PEAK1: variants seen among roughly 807,000 people sequenced by gnomAD.
PEAK1 encodes the protein inactive tyrosine-protein kinase PEAK1.
Under a neutral mutation model 124.7 loss-of-function variants are expected in PEAK1, and 54 were observed. The ratio of observed to expected loss-of-function variants is 0.43; its 90% CI spans 0.35 to 0.54. The LOEUF is 0.54. Among genes scored for constraint, PEAK1 ranks in the 20% least tolerant of loss-of-function variants. PEAK1 has a pLI of 0.01. For synonymous variants in PEAK1, 719 were observed against 760.0 expected, an observed-to-expected ratio of 0.95 and a Z score of 0.89; for missense variants, 2,046 against 2,134.5, an observed-to-expected ratio of 0.96 and a Z score of 0.82.
intron 8 of PEAK1, among the ~76,000 whole-genome samples, chr15:77,151,424 G>T (rs1313644802): frequency 1.3e-5 from 2 of 152,206 alleles, no homozygotes; most frequent in Admixed American, 1.3e-4. Context: ...TTTGTCAGAT[G>T]AATAGATTGC....
chr15:77,280,953 G>C (rs2062637092), intron 5 of PEAK1, among the ~76,000 whole-genome samples: 1 of 152,006 alleles, frequency 6.6e-6, no homozygotes, highest in South Asian at 2.1e-4. Context: ...GAGGTCAGGA[G>C]TTTCGAGACC....
At chr15:77,241,448 C>T (rs2152911712) in intron 6 of PEAK1, among the ~76,000 whole-genome samples, 1 of 152,212 alleles carries the variant, frequency 6.6e-6, no homozygotes, top group African/African-American at 2.4e-5. Flanking sequence ...ACCATCATTC[C>T]TGTTCCACGT....
At chr15:77,385,673 G>A (rs750997384) in intron 1 of PEAK1, among the ~76,000 whole-genome samples, 28 of 152,290 alleles carry the variant, frequency 1.8e-4, no homozygotes, top group Non-Finnish European at 2.8e-4. Flanking sequence ...ATGAACAAAA[G>A]GAAGTCACAC....
intron 5 of PEAK1, among the ~76,000 whole-genome samples, chr15:77,264,680 C>T (rs1257991545): frequency 6.6e-6 from 1 of 152,056 alleles, no homozygotes; most frequent in Non-Finnish European, 1.5e-5. Flanking sequence ...CCATACTGCC[C>T]AAGGTAATTT....
chr15:77,351,055 A>G (rs1597397306), intron 2 of PEAK1: 1 of 560,516 alleles, frequency 1.8e-6, no homozygotes, highest in Non-Finnish European at 2.3e-6. Flanking sequence ...CTGCCTTCAG[A>G]GGCAGAAGGC....
intron 2 of PEAK1, among the ~76,000 whole-genome samples, chr15:77,288,725 G>A (rs1274433064): frequency 5.9e-5 from 9 of 151,910 alleles, no homozygotes; most frequent in East Asian, 1.9e-4. Flanking sequence ...GGCGGATCAC[G>A]AAGTCAGGAG....
chr15:77,151,239 T>G (rs1596362889), intron 8 of PEAK1, among the ~76,000 whole-genome samples: 2 of 151,350 alleles, frequency 1.3e-5, no homozygotes, highest in African/African-American at 4.8e-5. Context: ...ATTGCAGTTT[T>G]GATTTGCATT....
intron 2 of PEAK1, among the ~76,000 whole-genome samples, chr15:77,342,871 T>G (rs1472038161): frequency 6.6e-6 from 1 of 152,210 alleles, no homozygotes; most frequent in East Asian, 1.9e-4. Flanking sequence ...ATGATGGACA[T>G]CTGGGTACCT....
chr15:77,255,407 C>T, intron 5 of PEAK1: 1 of 979,932 alleles, frequency 1.0e-6, no homozygotes. Flanking sequence ...TATTTGAAAA[C>T]AAAAGTTCTT....
intron 7 of PEAK1, among the ~76,000 whole-genome samples, chr15:77,167,901 C>A (rs1421807250): frequency 2.0e-5 from 3 of 152,050 alleles, no homozygotes; most frequent in African/African-American, 7.2e-5. Flanking sequence ...CCCCACCCCA[C>A]GACAGGCCCC....
chr15:77,381,445 C>T, intron 1 of PEAK1: 1 of 953,062 alleles, frequency 1.0e-6, no homozygotes, highest in Non-Finnish European at 1.2e-6. Context: ...ATAATTTTTT[C>T]TTTAAAAGAA....
At chr15:77,313,665 T>G (rs1284948131) in intron 2 of PEAK1, among the ~76,000 whole-genome samples, 1 of 111,292 alleles carries the variant, frequency 9.0e-6, no homozygotes, top group Non-Finnish European at 1.8e-5. Flanking sequence ...TGTGTGTGTG[T>G]GTGTGTGTGT....
At chr15:77,389,280 A>G (rs939355680) in intron 1 of PEAK1, among the ~76,000 whole-genome samples, 4 of 152,068 alleles carry the variant, frequency 2.6e-5, no homozygotes, top group Non-Finnish European at 5.9e-5. Flanking sequence ...ATCATTTACA[A>G]GTTTTTATAG....
Position 77,334,821 on chromosome 15 carries a change from T to A in PEAK1, c.-603+30342A>T, listed in dbSNP as rs74847007. ...TATTTTTGTAGTGTCTAATTTGCTA[T>A]TCACTGCATCCAGAGATTTTAATTT... On this transcript the variant is annotated intron_variant, in intron 2 of 9. Coordinates refer to ENST00000682557, the MANE Select transcript of PEAK1 (RefSeq NM_001385026.1). 1.6e-3 allele frequency: 1,614 copies of A among 985,410 alleles called. 21 individuals carry two copies. In the African/African-American group the frequency reaches 0.026, roughly 16 times the overall value. 61.0% of individuals were successfully genotyped at this position (985,410 alleles called of 1,614,324 possible).
At chr15:77,249,101 C>T (rs1017997182) in intron 6 of PEAK1, among the ~76,000 whole-genome samples, 3 of 151,866 alleles carry the variant, frequency 2.0e-5, no homozygotes, top group African/African-American at 4.8e-5. Flanking sequence ...GGGTTACAGG[C>T]GTGAGCCATG....
chr15:77,333,121 A>G (rs1179131956), intron 2 of PEAK1: 12 of 980,994 alleles, frequency 1.2e-5, no homozygotes, highest in Non-Finnish European at 1.5e-5. Context: ...TTGATACATA[A>G]TTTTTTGTGC....
chr15:77,256,820 C>T (rs891425184), intron 5 of PEAK1, among the ~76,000 whole-genome samples: 3 of 151,944 alleles, frequency 2.0e-5, no homozygotes, highest in Non-Finnish European at 2.9e-5. Flanking sequence ...TGGTGTGCTG[C>T]ACCCATTAAC....
At chr15:77,235,564 T>C (rs914792227) in intron 6 of PEAK1, among the ~76,000 whole-genome samples, 1 of 152,104 alleles carries the variant, frequency 6.6e-6, no homozygotes, top group Non-Finnish European at 1.5e-5. Flanking sequence ...AAGCAGAGCA[T>C]AAAGGTTTGG....
intron 9 of PEAK1, among the ~76,000 whole-genome samples, chr15:77,126,203 T>C (rs936549064): frequency 2.0e-5 from 3 of 152,240 alleles, no homozygotes; most frequent in Admixed American, 1.3e-4. Context: ...ATGATCATGT[T>C]ATTAGTATTC....
Sources: gnomAD v4.1 joint callset for allele counts (sites outside exome capture counted in the v4.1 genomes callset) on GRCh38, gnomAD v4.1.1 for gene constraint, MANE v1.5 for transcripts, NCBI Gene and HGNC (gene_info 2026-07-23, HGNC 2026-07-21) for gene names.